The following ARPP21 variants were observed in gnomAD, a reference collection of about 807,000 sequenced individuals.
ARPP21 encodes the protein cAMP-regulated phosphoprotein 21.
A neutral mutation model predicts 113.2 loss-of-function variants in ARPP21; 69 were observed. That is an observed-to-expected ratio of 0.61 (90% CI 0.50 to 0.74). The LOEUF (loss-of-function observed/expected upper bound fraction) is 0.74, where lower values mean the gene tolerates loss of function less well. Ranked by LOEUF, ARPP21 falls within the 30% of genes least tolerant of loss-of-function variation. ARPP21 has a pLI of 0.00. For missense variants in ARPP21, 1,070 were observed against 1,037.4 expected, an observed-to-expected ratio of 1.03 and a Z score of -0.43; for synonymous variants, 368 against 375.5, an observed-to-expected ratio of 0.98 and a Z score of 0.23.
At chr3:35,760,217 G>C (rs1316765961) in intron 19 of ARPP21, among the ~76,000 whole-genome samples, 1 of 152,060 alleles carries the variant, frequency 6.6e-6, no homozygotes, top group Non-Finnish European at 1.5e-5. Flanking sequence ...GACAGTATCT[G>C]ACTGTAAATT....
intron 1 of ARPP21, among the ~76,000 whole-genome samples, chr3:35,677,210 C>T (rs956931413): frequency 1.1e-4 from 16 of 151,822 alleles, no homozygotes; most frequent in African/African-American, 7.2e-5. Flanking sequence ...AAATTATTGC[C>T]GAAATTTGAA....
At chr3:35,736,489 A>T (rs2094358701) in intron 15 of ARPP21, among the ~76,000 whole-genome samples, 1 of 152,220 alleles carries the variant, frequency 6.6e-6, no homozygotes, top group Admixed American at 6.5e-5. Context: ...AAGCAATACT[A>T]TGACGAATAG....
intron 9 of ARPP21, among the ~76,000 whole-genome samples, chr3:35,701,558 A>C (rs2086404339): frequency 6.6e-6 from 1 of 151,692 alleles, no homozygotes; most frequent in South Asian, 2.1e-4. Flanking sequence ...TTCCCTTTTT[A>C]AAACTTCGTA....
chr3:35,729,501 T>C lies in ARPP21; in HGVS notation c.1424T>C (p.Ile475Thr). 6.2e-7 allele frequency: 1 copy of C among 1,614,224 alleles called. No homozygotes were observed. Among genetic ancestry groups the C allele is most frequent in the Non-Finnish European group, 8.5e-7 (1 of 1,180,044 alleles). ...CTTCCACTTGAAGCTGCAACAGGCA[T>C]CCCGCCTGGAAGCATCCTTCTTAAT... The part of the protein sequence containing the change: ...ILLPLEAATG[I>T]PPGSILLNPH... Residue 475 changes from isoleucine to threonine, a missense_variant, in exon 15 of 21, where the codon ATC becomes ACC. By Grantham distance (89) the Ile-to-Thr change is moderately conservative. Coordinates refer to ENST00000684406, the MANE Select transcript of ARPP21 (RefSeq NM_001385562.1).
intron 18 of ARPP21, 49 bp from the exon 19 acceptor site, chr3:35,743,790 A>T (rs1390145638): frequency 6.3e-7 from 1 of 1,588,790 alleles, no homozygotes; most frequent in Non-Finnish European, 8.6e-7. Context: ...TTAAAAATTT[A>T]CATTATCTAC....
intron 19 of ARPP21, among the ~76,000 whole-genome samples, chr3:35,753,584 G>A (rs2095474432): frequency 6.6e-6 from 1 of 151,932 alleles, no homozygotes; most frequent in South Asian, 2.1e-4. Context: ...GAATAATAGT[G>A]GAATGGACTT....
intron 5 of ARPP21, among the ~76,000 whole-genome samples, chr3:35,686,729 G>A (rs938447500): frequency 6.6e-6 from 1 of 151,598 alleles, no homozygotes; most frequent in Non-Finnish European, 1.5e-5. Flanking sequence ...GCCATCAAAT[G>A]ATCTCTTACA....
chr3:35,646,537 T>G (rs531592095), intron 1 of ARPP21, among the ~76,000 whole-genome samples: 2 of 152,232 alleles, frequency 1.3e-5, no homozygotes, highest in Non-Finnish European at 2.9e-5. Context: ...AAAACAATTT[T>G]TAAATGGGTG....
chr3:35,792,391 C>T lies in ARPP21; in HGVS notation c.2147C>T (p.Pro716Leu). Reference protein sequence around the residue: ...PQAAQQAGYQPVLSGQQGFQG... With the variant: ...PQAAQQAGYQLVLSGQQGFQG... ...TCTCTTTTCTTCGCAGGTTACCAGC[C>T]AGTCTTGTCTGGTCAACAGGGATTC... is the stretch of plus-strand genomic sequence containing the variant. Residue 716 changes from proline (P) to leucine (L), a missense_variant, in exon 20 of 21, where the codon CCA becomes CTA. By Grantham distance (98) the Pro-to-Leu change is moderately conservative. Transcript: ENST00000684406. 6.2e-7 allele frequency: 1 copy of T among 1,613,856 alleles called. No homozygotes were observed.
intron 19 of ARPP21, among the ~76,000 whole-genome samples, chr3:35,751,765 T>G (rs532614376): frequency 1.4e-3 from 217 of 152,250 alleles, no homozygotes; most frequent in African/African-American, 4.5e-3. Flanking sequence ...GAGAGGGTCT[T>G]CTGCTACTTT....
chr3:35,701,872 C>A (rs1347100214), intron 9 of ARPP21, among the ~76,000 whole-genome samples: 1 of 151,002 alleles, frequency 6.6e-6, no homozygotes, highest in Non-Finnish European at 1.5e-5. Context: ...ATTGATTTGA[C>A]AAAACAAAAT....
At chr3:35,731,306 T>C (rs934663659) in intron 15 of ARPP21, among the ~76,000 whole-genome samples, 1 of 152,214 alleles carries the variant, frequency 6.6e-6, no homozygotes, top group Non-Finnish European at 1.5e-5. Flanking sequence ...TGTTGTTTGA[T>C]GCCAAGTCCC....
intron 13 of ARPP21, among the ~76,000 whole-genome samples, chr3:35,719,043 G>T (rs888691685): frequency 3.3e-5 from 5 of 152,028 alleles, no homozygotes; most frequent in Middle Eastern, 3.2e-3. Context: ...TTACAAGAGG[G>T]CAAGCTCCAA....
At chr3:35,673,502 A>T (rs945002388) in intron 1 of ARPP21, among the ~76,000 whole-genome samples, 119 of 152,156 alleles carry the variant, frequency 7.8e-4, no homozygotes, top group African/African-American at 2.8e-3. Flanking sequence ...AATAAATCTG[A>T]AAAGGCAATA....
intron 10 of ARPP21, chr3:35,707,337 C>G (rs182921126): frequency 3.2e-6 from 2 of 621,148 alleles, no homozygotes; most frequent in African/African-American, 3.6e-5. Context: ...GCGCAGTTTC[C>G]GCTGCATGTC....
At chr3:35,720,641 C>T (rs2150290886) in intron 13 of ARPP21, among the ~76,000 whole-genome samples, 1 of 152,180 alleles carries the variant, frequency 6.6e-6, no homozygotes, top group African/African-American at 2.4e-5. Flanking sequence ...TTATTTTTAT[C>T]TTCAGAAAAA....
intron 13 of ARPP21, among the ~76,000 whole-genome samples, chr3:35,718,142 C>T (rs934277183): frequency 6.6e-6 from 1 of 152,066 alleles, no homozygotes; most frequent in Non-Finnish European, 1.5e-5. Flanking sequence ...AAAGAAAATA[C>T]TAAGAAAATC....
intron 9 of ARPP21, among the ~76,000 whole-genome samples, chr3:35,700,968 A>G (rs749861829): frequency 1.3e-5 from 2 of 151,728 alleles, no homozygotes; most frequent in African/African-American, 4.8e-5. Context: ...TGGCACACGT[A>G]TACCTATGTA....
intron 1 of ARPP21, among the ~76,000 whole-genome samples, chr3:35,671,988 A>G (rs1380599010): frequency 6.6e-6 from 1 of 152,040 alleles, no homozygotes; most frequent in African/African-American, 2.4e-5. Context: ...CTTTAATGAG[A>G]ATATCTTTTC....
Sources: allele counts gnomAD v4.1 joint callset (sites outside exome capture counted in the v4.1 genomes callset), GRCh38; gene constraint gnomAD v4.1.1; transcripts MANE v1.5; gene names NCBI Gene and HGNC (gene_info 2026-07-23, HGNC 2026-07-21).